Variants in LIFR observed in about 807,000 individuals in gnomAD.
LIFR encodes the protein LIF receptor subunit alpha.
Under a neutral mutation model 122.2 loss-of-function variants are expected in LIFR, and 84 were observed. The observed-to-expected ratio is 0.69, with a 90% CI of 0.58 to 0.82. The LOEUF (loss-of-function observed/expected upper bound fraction) is 0.82. Ranked by LOEUF, LIFR falls within the 40% of genes least tolerant of loss-of-function variation. The pLI, the probability that LIFR is intolerant of heterozygous loss-of-function variation, is 0.00. For missense variants in LIFR, 1,294 were observed against 1,311.6 expected, an observed-to-expected ratio of 0.99 and a Z score of 0.21; for synonymous variants, 422 against 434.7, an observed-to-expected ratio of 0.97 and a Z score of 0.36.
At chr5:38,512,863 C>T (rs1443535237) in intron 5 of LIFR, among the ~76,000 whole-genome samples, 2 of 151,988 alleles carry the variant, frequency 1.3e-5, no homozygotes, top group East Asian at 3.9e-4. Flanking sequence ...CTTTCAAAAG[C>T]TTAAGTCAAG....
chr5:38,582,661 AG>A, intron 1 of LIFR, among the ~76,000 whole-genome samples: 1 of 152,314 alleles, frequency 6.6e-6, no homozygotes, highest in East Asian at 1.9e-4. Context: ...CTTCATCTTT[AG>A]TAACCTTTTT....
At chr5:38,598,989 C>G (rs1750175117), upstream of LIFR, among the ~76,000 whole-genome samples, 1 of 152,190 alleles carries the variant, frequency 6.6e-6, no homozygotes, top group Admixed American at 6.5e-5. Context: ...TAGAAAAGTG[C>G]ATGGATTTCT....
chr5:38,522,644 A>G (rs1746463993), intron 5 of LIFR, among the ~76,000 whole-genome samples: 1 of 152,242 alleles, frequency 6.6e-6, no homozygotes, highest in African/African-American at 2.4e-5. Flanking sequence ...TGTCCCATAT[A>G]GGCTAGGTGC....
At chr5:38,543,762 A>G (rs547096336) in intron 1 of LIFR, among the ~76,000 whole-genome samples, 1 of 152,158 alleles carries the variant, frequency 6.6e-6, no homozygotes, top group Non-Finnish European at 1.5e-5. Flanking sequence ...TAATTTCTCA[A>G]TCATGTTAAT....
intron 1 of LIFR, among the ~76,000 whole-genome samples, chr5:38,542,858 C>T (rs1031919700): frequency 1.3e-5 from 2 of 152,118 alleles, no homozygotes; most frequent in African/African-American, 4.8e-5. Flanking sequence ...CAAATCCAAC[C>T]TTCCCCAGTG....
rs1744002967 is a variant in LIFR at position 38,481,801 on chromosome 5, G to T, written c.3088C>A (p.Pro1030Thr). The change falls in exon 20 of 20, where the codon CCT (proline) becomes ACT (threonine). Residue 1030 changes from proline (P) to threonine (T), a missense_variant. Coordinates refer to ENST00000453190, the MANE Select transcript of LIFR (RefSeq NM_001127671.2). The stretch of plus-strand genomic sequence containing the variant: ...TTCCATGTATTTACATTGGCCTGAG[G>T]TCTGTAACCCGCAGTTTTATCTAAG... ...EDLDKTAGYR[P>T]QANVNTWNLV... The T allele has an allele frequency of 6.2e-7, 1 of 1,613,904 alleles. No homozygotes were observed. Among genetic ancestry groups the T allele is most frequent in the Admixed American group, 1.7e-5 (1 of 59,990 alleles).
Position 38,490,190 on chromosome 5 carries a change from C to T in LIFR, c.2167G>A (p.Ala723Thr), listed in dbSNP as rs1262693868. Residue 723 changes from alanine (A) to threonine (T), a missense_variant and splice_region_variant, in exon 15 of 20, where the codon GCT becomes ACT. By Grantham distance (58) the Ala-to-Thr change is moderately conservative. Coordinates refer to ENST00000453190, the MANE Select transcript of LIFR (RefSeq NM_001127671.2). ...RSMIGYIEEL[A>T]PIVAPNFTVE... ...ATAAATAAGTACCCATTTAACTTAC[C>T]CAATTCTTCTATATATCCAATCATG... 7 of 1,421,822 alleles carry T rather than the reference C, an allele frequency of 4.9e-6. No individual in the cohort carries two copies. Among genetic ancestry groups the T allele is most frequent in the Middle Eastern group, 1.8e-4 (1 of 5,616 alleles). The allele number at this position is 1,421,822 out of a possible 1,614,324, so 88.1% of individuals were successfully genotyped here.
At chr5:38,484,060 C>T (rs556400427) in intron 18 of LIFR, among the ~76,000 whole-genome samples, 2 of 152,320 alleles carry the variant, frequency 1.3e-5, no homozygotes, top group South Asian at 2.1e-4. Context: ...GAAGGTTTGA[C>T]TCTTTCCAAT....
intron 1 of LIFR, among the ~76,000 whole-genome samples, chr5:38,588,329 G>A (rs1483801968): frequency 6.6e-6 from 1 of 152,134 alleles, no homozygotes; most frequent in Non-Finnish European, 1.5e-5. Context: ...CAGGTGCTCA[G>A]TCTGAAAAGG....
intron 1 of LIFR, among the ~76,000 whole-genome samples, chr5:38,585,270 A>G (rs781358109): frequency 2.0e-5 from 3 of 152,232 alleles, no homozygotes; most frequent in Non-Finnish European, 4.4e-5. Context: ...AATTAGCTCA[A>G]AGATGAAAAT....
chr5:38,548,140 CAAT>C (rs1561198326), intron 1 of LIFR, among the ~76,000 whole-genome samples: 1 of 151,462 alleles, frequency 6.6e-6, no homozygotes, highest in Non-Finnish European at 1.5e-5. Flanking sequence ...AGCTCATTTT[CAAT>C]AATTTTACAA....
At position 38,528,820 on chromosome 5, in the gene LIFR, A is replaced by G. The variant is rs1448680838; in HGVS notation, c.163T>C (p.Cys55Arg). 6.4e-7 allele frequency: 1 copy of G among 1,568,978 alleles called. No homozygotes were observed. The highest frequency in any genetic ancestry group is 8.7e-7 in the Non-Finnish European group (1 of 1,154,206). The part of the protein sequence containing the change: ...QKKGAPHDLK[C>R]VTNNLQVWNC... Reference sequence around the variant, plus strand: ...CACACTTGCAAATTGTTAGTTACACACTTCAAATCATGAGGAGCCCCTGGA... The same window carrying G: ...CACACTTGCAAATTGTTAGTTACACGCTTCAAATCATGAGGAGCCCCTGGA... Residue 55 changes from cysteine to arginine, a missense_variant, in exon 3 of 20, where the codon TGT (cysteine) becomes CGT (arginine). Physicochemically the swap from Cys to Arg is radical, Grantham distance 180. Transcript: ENST00000453190.
chr5:38,515,960 T>TA (rs1316331246), intron 5 of LIFR, among the ~76,000 whole-genome samples: 1 of 152,182 alleles, frequency 6.6e-6, no homozygotes, highest in Non-Finnish European at 1.5e-5. Context: ...TAGGATATCA[T>TA]AAAATGACTG....
At chr5:38,517,204 T>TA (rs903353386) in intron 5 of LIFR, among the ~76,000 whole-genome samples, 33 of 151,884 alleles carry the variant, frequency 2.2e-4, no homozygotes, top group African/African-American at 7.7e-4. Context: ...TAAAGTGTAA[T>TA]AAAAAATTAT....
intron 7 of LIFR, among the ~76,000 whole-genome samples, chr5:38,508,307 A>G (rs1268698349): frequency 6.6e-6 from 1 of 152,216 alleles, no homozygotes; most frequent in African/African-American, 2.4e-5. Context: ...ATTTTTAATA[A>G]TATCAGAAAA....
intron 5 of LIFR, among the ~76,000 whole-genome samples, chr5:38,513,394 T>G (rs1014574255): frequency 1.3e-5 from 2 of 152,202 alleles, no homozygotes; most frequent in African/African-American, 4.8e-5. Flanking sequence ...TGCTTGAAAG[T>G]TGTTTGAAGA....
At chr5:38,600,376 CAG>C (rs1436474536), upstream of LIFR, among the ~76,000 whole-genome samples, 4 of 152,216 alleles carry the variant, frequency 2.6e-5, no homozygotes, top group Non-Finnish European at 5.9e-5. Flanking sequence ...AAATACTCTA[CAG>C]AGTTTGACTC....
chr5:38,596,396 A>T (rs1489025251), upstream of LIFR, among the ~76,000 whole-genome samples: 1 of 152,164 alleles, frequency 6.6e-6, no homozygotes, highest in Non-Finnish European at 1.5e-5. Flanking sequence ...AGGTTCTCAA[A>T]CTTTAGCAAG....
At chr5:38,589,718 ATGTGTGTGTGTG>A (rs35505046) in intron 1 of LIFR, among the ~76,000 whole-genome samples, 3 of 146,186 alleles carry the variant, frequency 2.1e-5, no homozygotes, top group East Asian at 2.0e-4. Context: ...AGAGAAGAAA[ATGTGTGTGTGTG>A]TGTGTGTGTG....
Sources: allele counts gnomAD v4.1 joint callset (sites outside exome capture counted in the v4.1 genomes callset), GRCh38; gene constraint gnomAD v4.1.1; transcripts MANE v1.5; gene names NCBI Gene and HGNC (gene_info 2026-07-23, HGNC 2026-07-21).